SI: variants seen among roughly 807,000 people sequenced by gnomAD.
SI encodes sucrase-isomaltase.
A neutral mutation model predicts 253.3 loss-of-function variants in SI; 235 were observed. The ratio of observed to expected loss-of-function variants is 0.93; its 90% CI spans 0.83 to 1.03. The LOEUF (loss-of-function observed/expected upper bound fraction) is 1.03, where lower values mean the gene tolerates loss of function less well. Ranked by LOEUF, SI falls within the 50% of genes least tolerant of loss-of-function variation. SI has a pLI of 0.00. For missense variants in SI, 2,442 were observed against 2,211.1 expected (o/e 1.10, Z -2.09); for synonymous variants, 819 against 712.0 (o/e 1.15, Z -2.39).
At position 165,014,519 on chromosome 3, in the gene SI, G is replaced by A. The variant is rs187127194; in HGVS notation, c.3999+604C>T. 2.6e-5 allele frequency among the ~76,000 whole-genome samples: 4 copies of A among 152,216 alleles called. No homozygotes were observed. In the East Asian group the frequency reaches 7.8e-4, roughly 30 times the overall value. ...CCGCCTTGGCCTCCCAAAGAGCTGG[G>A]ATTACAGGCGTGAGCCACCACGCCT... On this transcript the variant is annotated intron_variant, in intron 33 of 47. Transcript: ENST00000264382.
chr3:164,996,780 A>C lies in SI; in HGVS notation c.4541-8T>G, dbSNP rs2108135861. 1 of 1,003,068 alleles carries C rather than the reference A, an allele frequency of 1.0e-6. No individual in the cohort carries two copies. Among genetic ancestry groups the C allele is most frequent in the East Asian group, 2.6e-5 (1 of 37,996 alleles). 62.1% of individuals were successfully genotyped at this position (1,003,068 alleles called of 1,614,324 possible). On this transcript the variant is annotated splice_region_variant and splice_polypyrimidine_tract_variant and intron_variant, in intron 38 of 47. Transcript: ENST00000264382. ...GACTAAATTCCATCATACCTGAAAA[A>C]GTTAGAAAAAATATCTTAGAAAGTT...
At chr3:165,057,286 C>T (rs950370382) in intron 12 of SI, among the ~76,000 whole-genome samples, 5 of 151,606 alleles carry the variant, frequency 3.3e-5, no homozygotes, top group South Asian at 4.2e-4. Context: ...TGAAAATACA[C>T]AGTCAGAGGA....
intron 25 of SI, among the ~76,000 whole-genome samples, chr3:165,025,037 G>T (rs1267065888): frequency 6.6e-6 from 1 of 151,072 alleles, no homozygotes; most frequent in African/African-American, 2.4e-5. Context: ...CCAGGACCCA[G>T]CATGTTATTT....
At position 165,065,400 on chromosome 3, in the gene SI, G is replaced by C; in HGVS notation, c.668C>G (p.Ser223Cys). The change falls in exon 7 of 48, where the codon TCT (serine) becomes TGT (cysteine). Residue 223 changes from serine (S) to cysteine (C), a missense_variant. Ser to Cys is a moderately radical substitution (Grantham distance 112, BLOSUM62 -1). Coordinates refer to ENST00000264382, the MANE Select transcript of SI (RefSeq NM_001041.4). Reference protein sequence around the residue: ...FDTSIGPLVYSDQYLQISTRL... With the variant: ...FDTSIGPLVYCDQYLQISTRL... ...GGTTGAGATCTGTAAGTACTGGTCAGAGTACACTAAGGGACCAATGCTGGT... is the reference window on the plus strand; with the variant it reads ...GGTTGAGATCTGTAAGTACTGGTCACAGTACACTAAGGGACCAATGCTGGT... 6.4e-7 allele frequency: 1 copy of C among 1,574,706 alleles called. No homozygotes were observed. The highest frequency in any genetic ancestry group is 8.7e-7 in the Non-Finnish European group (1 of 1,153,194).
rs534758785 is a variant in SI, at chr3:164,997,142, T to C, written c.4541-370A>G. 5.3e-5 allele frequency among the ~76,000 whole-genome samples: 8 copies of C among 151,860 alleles called. No homozygotes were observed. The East Asian group carries it at 1.5e-3, about 29-fold the overall frequency. ...CTTAACTATAGGTCTGATTGAACTA[T>C]AGGTTCAACTGGTTTCAGTCTATCA... is the stretch of plus-strand genomic sequence containing the variant. On this transcript the variant is annotated intron_variant, in intron 38 of 47. Transcript: ENST00000264382.
At position 165,028,408 on chromosome 3, in the gene SI, T is replaced by C. The variant is rs769838063; in HGVS notation, c.2892+2304A>G. ...CAATGCAATCCTCATCAAAACACCA[T>C]CATTATTCTTCACCGAACTGGAAAA... On this transcript the variant is annotated intron_variant, in intron 25 of 47. Transcript: ENST00000264382. Among the ~76,000 whole-genome samples the C allele has an allele frequency of 1.5e-4, 23 of 151,134 alleles. 1 individual carries two copies. In the South Asian group the frequency reaches 2.7e-3, roughly 18 times the overall value.
intron 3 of SI, 67 bp from the exon 4 acceptor site, chr3:165,069,262 T>A: frequency 9.5e-7 from 1 of 1,052,328 alleles, no homozygotes; most frequent in Non-Finnish European, 1.5e-6. Flanking sequence ...TCTCTGTTTT[T>A]CCAAGGAATG....
intron 4 of SI, 73 bp from the exon 5 acceptor site, chr3:165,068,904 T>C (rs1714398993): frequency 9.1e-7 from 1 of 1,095,780 alleles, no homozygotes. Context: ...ATATTTATGT[T>C]ATTGTATTTA....
At chr3:164,979,558 T>C in intron 47 of SI, 128 bp from the exon 48 acceptor site, 3 of 555,782 alleles carry the variant, frequency 5.4e-6, no homozygotes, top group Non-Finnish European at 9.6e-6. Context: ...TCTTGAGAAA[T>C]TTTTACTCTC....
At chr3:165,029,068 A>T (rs1712081848) in intron 25 of SI, among the ~76,000 whole-genome samples, 1 of 151,340 alleles carries the variant, frequency 6.6e-6, no homozygotes, top group Non-Finnish European at 1.5e-5. Flanking sequence ...AAACTCAAAT[A>T]ATTTAGCAGG....
chr3:164,989,584 A>G (rs1023487797), intron 44 of SI, among the ~76,000 whole-genome samples: 2 of 152,026 alleles, frequency 1.3e-5, no homozygotes, highest in Non-Finnish European at 1.5e-5. Context: ...CTGCCAGTGA[A>G]TGTCTACATT....
intron 37 of SI, among the ~76,000 whole-genome samples, chr3:165,002,832 T>G (rs376534207): frequency 6.8e-4 from 104 of 151,888 alleles, no homozygotes; most frequent in African/African-American, 2.4e-3. Flanking sequence ...TAAAATAGGC[T>G]ACTTAATACT....
In SI at chr3:165,019,776, A is replaced by G. The variant is rs771733749; in HGVS notation, c.3255-6T>C. ...CAGGCAGCCAAGAATCCCAACTGAA[A>G]ACAAAAGAAAACAAAGCTATGTCTG... On this transcript the variant is annotated splice_region_variant and splice_polypyrimidine_tract_variant and intron_variant, in intron 27 of 47. Transcript: ENST00000264382. 1.2e-6 allele frequency: 2 copies of G among 1,611,204 alleles called. No homozygotes were observed. The highest frequency in any genetic ancestry group is 1.7e-6 in the Non-Finnish European group (2 of 1,177,814).
At chr3:165,016,120 C>T (rs1322395786) in intron 31 of SI, 40 bp from the exon 32 acceptor site, 11 of 1,566,304 alleles carry the variant, frequency 7.0e-6, no homozygotes, top group South Asian at 1.1e-5. Flanking sequence ...GCAAAAAATA[C>T]AAAATAGTAA....
At chr3:165,033,491 C>T (rs773479218) in intron 22 of SI, 47 bp from the exon 23 acceptor site, 1 of 1,426,038 alleles carries the variant, frequency 7.0e-7, no homozygotes, top group East Asian at 2.6e-5. Context: ...ATGTTAAATT[C>T]TCTGCTCTGG....
intron 9 of SI, among the ~76,000 whole-genome samples, chr3:165,062,064 C>T (rs1714009156): frequency 6.6e-6 from 1 of 151,892 alleles, no homozygotes; most frequent in South Asian, 2.1e-4. Flanking sequence ...TTGCTTTATT[C>T]CATCAGATAA....
upstream of SI, among the ~76,000 whole-genome samples, chr3:165,081,699 C>T (rs773201203): frequency 1.3e-5 from 2 of 151,838 alleles, no homozygotes; most frequent in Non-Finnish European, 2.9e-5. Flanking sequence ...AGAAAGAAAA[C>T]AGCCACATGG....
At chr3:165,023,526 T>C (rs1285089550) in intron 26 of SI, 44 bp downstream of exon 26, 1 of 1,301,070 alleles carries the variant, frequency 7.7e-7, no homozygotes, top group Non-Finnish European at 1.1e-6. Flanking sequence ...AAATCTCATC[T>C]CACAAGATGA....
At chr3:165,077,154 T>C (rs1715049436) in intron 1 of SI, among the ~76,000 whole-genome samples, 1 of 151,590 alleles carries the variant, frequency 6.6e-6, no homozygotes. Context: ...AATTATGCCT[T>C]CATTTTATCC....
Sources: allele counts gnomAD v4.1 joint callset (sites outside exome capture counted in the v4.1 genomes callset), GRCh38; gene constraint gnomAD v4.1.1; transcripts MANE v1.5; gene names NCBI Gene and HGNC (gene_info 2026-07-23, HGNC 2026-07-21).